ZEB2: variants seen among roughly 807,000 people sequenced by gnomAD.
ZEB2 encodes zinc finger E-box binding homeobox 2, also known as zinc finger E-box-binding homeobox 2.
A neutral mutation model predicts 99.9 loss-of-function variants in ZEB2; 6 were observed. The observed-to-expected ratio is 0.06, with a 90% confidence interval of 0.03 to 0.12. The LOEUF is 0.12. Among genes scored for constraint, ZEB2 ranks in the 10% least tolerant of loss-of-function variants. The pLI is 1.00. For synonymous variants in ZEB2, 517 were observed against 542.5 expected, an observed-to-expected ratio of 0.95 and a Z score of 0.65; for missense variants, 969 against 1,502.8, an observed-to-expected ratio of 0.64 and a Z score of 5.87.
At chr2:144,473,855 G>A (rs1183561709) in intron 2 of ZEB2, among the ~76,000 whole-genome samples, 1 of 152,068 alleles carries the variant, frequency 6.6e-6, no homozygotes, top group Non-Finnish European at 1.5e-5. Flanking sequence ...TTAAATTCAA[G>A]GCAAGGACAT....
Position 144,429,997 on chromosome 2 carries a change from C to T in ZEB2, c.103G>A (p.Gly35Ser), listed in dbSNP as rs1174052187. 6.2e-7 allele frequency: 1 copy of T among 1,613,780 alleles called. No individual in the cohort carries two copies. The highest frequency in any genetic ancestry group is 1.7e-5 in the Admixed American group (1 of 59,982). Residue 35 changes from glycine (G) to serine (S), a missense_variant, in exon 3 of 10, where the codon GGT becomes AGT. Physicochemically the swap from Gly to Ser is moderately conservative, Grantham distance 56 (BLOSUM62 0). Transcript: ENST00000627532. ...TTGTCTTCCTCATCTGTTTCAGAAC[C>T]TGTGTCCACTACATTGTCATAGTTC... ...VVNYDNVVDT[G>S]SETDEEDKLH...
chr2:144,481,175 T>C (rs549985996), intron 2 of ZEB2, among the ~76,000 whole-genome samples: 1 of 152,188 alleles, frequency 6.6e-6, no homozygotes, highest in Non-Finnish European at 1.5e-5. Flanking sequence ...AGAGAACTAA[T>C]TGCTTCAGGC....
rs1357640279 is a variant in ZEB2 at position 144,400,102 on chromosome 2, G to C, written c.1085C>G (p.Thr362Ser). Residue 362 changes from threonine (T) to serine (S), a missense_variant, in exon 8 of 10, where the codon ACT becomes AGT. Thr to Ser is a moderately conservative substitution (Grantham distance 58). This residue lies in a region of ZEB2 where 227 missense variants were observed against 278.2 expected (regional missense o/e 0.82). Transcript: ENST00000627532. ...TCTTAACTGGGTAATGGCTGAATTA[G>C]TAGGAGAAGAAGAAACAGAATTAGG... The part of the protein sequence containing the change: ...SSPNSVSSSP[T>S]NSAITQLRNK... 6.2e-7 allele frequency: 1 copy of C among 1,613,854 alleles called. No homozygotes were observed. Among genetic ancestry groups the C allele is most frequent in the African/African-American group, 1.3e-5 (1 of 74,940 alleles).
At chr2:144,397,987 AG>A (rs1013820457) in intron 8 of ZEB2, 3 of 363,762 alleles carry the variant, frequency 8.2e-6, no homozygotes, top group Middle Eastern at 3.8e-4. Context: ...TTTAACTTCT[AG>A]CACCTAGGTA....
intron 2 of ZEB2, chr2:144,497,708 C>T: frequency 6.1e-6 from 1 of 165,250 alleles, no homozygotes. Flanking sequence ...TAAAAAATAC[C>T]AATCTAGTGC....
intron 2 of ZEB2, among the ~76,000 whole-genome samples, chr2:144,435,402 G>A (rs1703824185): frequency 6.6e-6 from 1 of 151,944 alleles, no homozygotes; most frequent in African/African-American, 2.4e-5. Context: ...GAGGTCAGGA[G>A]TTTGTGATCA....
intron 2 of ZEB2, among the ~76,000 whole-genome samples, chr2:144,509,911 C>A (rs866734619): frequency 6.6e-6 from 1 of 152,064 alleles, no homozygotes; most frequent in African/African-American, 2.4e-5. Context: ...AGGAAGGAGG[C>A]CTTTAGGCAC....
Position 144,399,754 on chromosome 2 carries a change from C to T in ZEB2, c.1433G>A (p.Cys478Tyr). The T allele has an allele frequency of 6.2e-7, 1 of 1,613,898 alleles. No homozygotes were observed. Among genetic ancestry groups the T allele is most frequent in the Non-Finnish European group, 8.5e-7 (1 of 1,179,892 alleles). Residue 478 changes from cysteine to tyrosine, a missense_variant, in exon 8 of 10, where the codon TGC (cysteine) becomes TAC (tyrosine). By Grantham distance (194) the Cys-to-Tyr change is radical (BLOSUM62 -2). This residue lies in a region of ZEB2 where 227 missense variants were observed against 278.2 expected (regional missense o/e 0.82). Transcript: ENST00000627532. The surrounding 1 kb of genome is among the most constrained non-coding windows in gnomAD (Gnocchi z 5.6). ...CAACTTTGAAATTTCTTCAGCCTTGCAGTCCATTTTTTGCCTGGAAACAGT... is the reference window on the plus strand; with the variant it reads ...CAACTTTGAAATTTCTTCAGCCTTGTAGTCCATTTTTTGCCTGGAAACAGT... ...DNTVSRQKMD[C>Y]KAEEISKLKG...
At chr2:144,409,054 A>C (rs1703423633) in intron 4 of ZEB2, among the ~76,000 whole-genome samples, 1 of 152,232 alleles carries the variant, frequency 6.6e-6, no homozygotes, top group Admixed American at 6.5e-5. Flanking sequence ...TACAGAGAAA[A>C]GCAGACAAGA....
chr2:144,403,035 TA>T (rs1413441258), intron 6 of ZEB2, among the ~76,000 whole-genome samples: 4 of 152,236 alleles, frequency 2.6e-5, no homozygotes, highest in Non-Finnish European at 5.9e-5. Flanking sequence ...TGTCAAGACT[TA>T]AATTAAGTGA....
intron 2 of ZEB2, among the ~76,000 whole-genome samples, chr2:144,438,062 C>T (rs1004703848): frequency 2.6e-5 from 4 of 152,200 alleles, no homozygotes; most frequent in Non-Finnish European, 5.9e-5. Flanking sequence ...TGAACCCATA[C>T]CTTCATCTGA....
intron 2 of ZEB2, chr2:144,513,846 G>A (rs1705086876): frequency 6.5e-7 from 1 of 1,534,112 alleles, no homozygotes; most frequent in East Asian, 2.4e-5. Flanking sequence ...AAGGGGGGCT[G>A]GGTTTTCCCC....
chr2:144,481,197 A>C (rs1025400036), intron 2 of ZEB2, among the ~76,000 whole-genome samples: 10 of 152,140 alleles, frequency 6.6e-5, no homozygotes, highest in African/African-American at 2.4e-4. Context: ...CTTATGAAAA[A>C]ATGTTTGCAT....
At chr2:144,440,919 A>C (rs1300086625) in intron 2 of ZEB2, among the ~76,000 whole-genome samples, 1 of 151,396 alleles carries the variant, frequency 6.6e-6, no homozygotes, top group Non-Finnish European at 1.5e-5. Context: ...ATGACATGGC[A>C]TATGGTTAAG....
At chr2:144,450,074 T>C (rs922463253) in intron 2 of ZEB2, 2 of 151,974 alleles carry the variant, frequency 1.3e-5, no homozygotes, top group African/African-American at 4.8e-5. Flanking sequence ...ATACATTGTA[T>C]TACCACTGGA....
At chr2:144,393,916 GTTTATTTA>G (rs933517350) in intron 9 of ZEB2, among the ~76,000 whole-genome samples, 2 of 152,078 alleles carry the variant, frequency 1.3e-5, no homozygotes, top group Non-Finnish European at 2.9e-5. Flanking sequence ...AAGTTTGTTT[GTTTATTTA>G]TTTATTTATT....
At chr2:144,410,099 G>C (rs952599618) in intron 4 of ZEB2, among the ~76,000 whole-genome samples, 1 of 152,004 alleles carries the variant, frequency 6.6e-6, no homozygotes, top group Non-Finnish European at 1.5e-5. Flanking sequence ...TTTTAGTAGA[G>C]ACAGGGTTTC....
At chr2:144,421,073 T>C (rs1703613072) in intron 4 of ZEB2, among the ~76,000 whole-genome samples, 1 of 152,144 alleles carries the variant, frequency 6.6e-6, no homozygotes, top group Non-Finnish European at 1.5e-5. Context: ...AATGGAGAGA[T>C]GAAAATGTCT....
intron 2 of ZEB2, chr2:144,449,787 G>A (rs1704032353): frequency 6.6e-6 from 1 of 152,302 alleles, no homozygotes; most frequent in African/African-American, 2.4e-5. Flanking sequence ...GGGGTGAGAT[G>A]ATTTGCTAGC....
Sources: allele counts gnomAD v4.1 joint callset (sites outside exome capture counted in the v4.1 genomes callset), GRCh38; gene constraint gnomAD v4.1.1; regional missense constraint gnomAD v4.1.1; non-coding constraint Gnocchi (gnomAD v3.1); transcripts MANE v1.5; gene names NCBI Gene and HGNC (gene_info 2026-07-23, HGNC 2026-07-21).